The following BANK1 variants were observed in gnomAD, a reference collection of about 807,000 sequenced individuals.
BANK1 encodes B cell scaffold protein with ankyrin repeats 1.
A neutral mutation model predicts 94.5 loss-of-function variants in BANK1; 95 were observed. The ratio of observed to expected loss-of-function variants is 1.00; its 90% CI spans 0.85 to 1.19. The LOEUF (loss-of-function observed/expected upper bound fraction) is 1.19. BANK1 is among the 50% of genes most tolerant of loss of function. The pLI, the probability that BANK1 is intolerant of heterozygous loss-of-function variation, is 0.00. For synonymous variants in BANK1, 334 were observed against 308.4 expected, an observed-to-expected ratio of 1.08 and a Z score of -0.87; for missense variants, 987 against 932.2, an observed-to-expected ratio of 1.06 and a Z score of -0.77.
At chr4:102,022,681 T>C (rs72933903) in intron 8 of BANK1, among the ~76,000 whole-genome samples, 1,779 of 152,282 alleles carry the variant, frequency 0.012, 30 homozygotes, top group East Asian at 0.061. Context: ...TCCACATTTG[T>C]TGCCTCTGAT....
intron 5 of BANK1, among the ~76,000 whole-genome samples, chr4:101,881,699 A>G (rs1728682182): frequency 6.6e-6 from 1 of 152,158 alleles, no homozygotes; most frequent in Admixed American, 6.5e-5. Flanking sequence ...GATAAAGCAA[A>G]TGTCATACTT....
At chr4:102,069,555 A>G (rs1202076238) in intron 13 of BANK1, among the ~76,000 whole-genome samples, 2 of 152,228 alleles carry the variant, frequency 1.3e-5, no homozygotes, top group Admixed American at 6.5e-5. Context: ...GAGAAGTCAA[A>G]TATGCACTTA....
chr4:101,998,685 G>T (rs1051103776), intron 7 of BANK1, among the ~76,000 whole-genome samples: 3 of 151,972 alleles, frequency 2.0e-5, no homozygotes, highest in Admixed American at 1.3e-4. Flanking sequence ...TGTCTTTTTT[G>T]ATCTTTGTTG....
At chr4:101,868,002 A>G (rs1397565173) in intron 4 of BANK1, among the ~76,000 whole-genome samples, 1 of 151,720 alleles carries the variant, frequency 6.6e-6, no homozygotes. Context: ...TAAGAACGCC[A>G]ATTAAAAGAC....
chr4:101,994,969 T>C (rs1725827837), intron 7 of BANK1, among the ~76,000 whole-genome samples: 8 of 152,162 alleles, frequency 5.3e-5, no homozygotes, highest in Admixed American at 5.2e-4. Context: ...AAAATTATAC[T>C]TTAAGTTTTG....
chr4:101,963,944 CT>C (rs2148920098), intron 7 of BANK1, among the ~76,000 whole-genome samples: 1 of 152,114 alleles, frequency 6.6e-6, no homozygotes, highest in Admixed American at 6.6e-5. Context: ...TTAGTTTTTC[CT>C]CCACAGAAAC....
chr4:101,819,236 G>A (rs954951123), intron 1 of BANK1, among the ~76,000 whole-genome samples: 13 of 152,088 alleles, frequency 8.5e-5, no homozygotes, highest in Admixed American at 7.9e-4. Flanking sequence ...AGTATTCTGA[G>A]TATTATTTTT....
chr4:101,983,329 G>A (rs1193649822), intron 7 of BANK1, among the ~76,000 whole-genome samples: 1 of 152,066 alleles, frequency 6.6e-6, no homozygotes, highest in East Asian at 1.9e-4. Context: ...TTAGTGCAGT[G>A]TTCAAAAGAT....
rs1258237699 is a variant in BANK1 at position 101,866,678 on chromosome 4, G to GCAA, written c.764-3827_764-3826insCAA. 1.2e-4 allele frequency among the ~76,000 whole-genome samples: 14 copies of GCAA among 115,358 alleles called. 4 individuals carry two copies. Among genetic ancestry groups the GCAA allele is most frequent in the African/African-American group, 2.0e-4 (5 of 24,790 alleles). The allele number at this position is 115,358 out of a possible 152,430, so 75.7% of individuals were successfully genotyped here. A position where few individuals can be genotyped will look rare whatever the true frequency, so the allele number is the denominator to read the frequency against. ...TCCCATTACTGGGTATATACCCAAAGGACTATAAATCATGCTGCTATAAAG... is the reference window on the plus strand; with the variant it reads ...TCCCATTACTGGGTATATACCCAAAGCAAGACTATAAATCATGCTGCTATAAAG... On this transcript the variant is annotated intron_variant, in intron 4 of 16. Coordinates refer to ENST00000322953, the MANE Select transcript of BANK1 (RefSeq NM_017935.5).
intron 7 of BANK1, among the ~76,000 whole-genome samples, chr4:102,003,459 A>G (rs1022253705): frequency 6.6e-6 from 1 of 152,108 alleles, no homozygotes; most frequent in African/African-American, 2.4e-5. Flanking sequence ...GTCAGCTGGG[A>G]CTGTGAACCA....
intron 1 of BANK1, among the ~76,000 whole-genome samples, chr4:101,813,560 T>C (rs545932035): frequency 3.2e-4 from 48 of 152,342 alleles, no homozygotes; most frequent in African/African-American, 1.1e-3. Context: ...AATTCTGATT[T>C]GATCAAGTGC....
chr4:102,038,880 A>G (rs540310530), intron 10 of BANK1, among the ~76,000 whole-genome samples: 3 of 152,290 alleles, frequency 2.0e-5, no homozygotes, highest in African/African-American at 7.2e-5. Flanking sequence ...TAACACTTCT[A>G]TCAAACCAAG....
chr4:101,938,719 G>A (rs1196655147), intron 7 of BANK1, among the ~76,000 whole-genome samples: 1 of 151,652 alleles, frequency 6.6e-6, no homozygotes, highest in Non-Finnish European at 1.5e-5. Flanking sequence ...TTACTGTAAT[G>A]ATAATGACTA....
At chr4:101,853,580 G>C (rs1267448413) in intron 2 of BANK1, among the ~76,000 whole-genome samples, 1 of 152,168 alleles carries the variant, frequency 6.6e-6, no homozygotes, top group Non-Finnish European at 1.5e-5. Context: ...ATTTAGACTT[G>C]TGTTCAGTGA....
In BANK1 at chr4:101,790,858, GC is replaced by G. The variant is rs1449598520; in HGVS notation, c.-19del. On this transcript the variant is annotated 5_prime_UTR_variant, in exon 1 of 17. Transcript: ENST00000322953. The stretch of plus-strand genomic sequence containing the variant: ...GCGCTCGGCGGGCAGCAGTGCGCAG[GC>G]CCCTCGGCTTCAACCGCCACAATGC... 5.9e-5 allele frequency: 91 copies of G among 1,535,992 alleles called. No individual in the cohort carries two copies. Among genetic ancestry groups the G allele is most frequent in the Non-Finnish European group, 7.8e-5 (89 of 1,145,764 alleles).
At chr4:101,949,722 A>C (rs975291403) in intron 7 of BANK1, among the ~76,000 whole-genome samples, 1 of 152,162 alleles carries the variant, frequency 6.6e-6, no homozygotes, top group Non-Finnish European at 1.5e-5. Context: ...AAAGTAATAA[A>C]TGTACAAGAT....
At chr4:101,839,270 T>G (rs1473002989) in intron 2 of BANK1, among the ~76,000 whole-genome samples, 3 of 152,176 alleles carry the variant, frequency 2.0e-5, no homozygotes, top group Non-Finnish European at 2.9e-5. Flanking sequence ...ATAGAAGGGT[T>G]GAAATTACAT....
At chr4:101,976,194 T>C (rs765155357) in intron 7 of BANK1, among the ~76,000 whole-genome samples, 2 of 152,154 alleles carry the variant, frequency 1.3e-5, no homozygotes, top group African/African-American at 4.8e-5. Context: ...TTGCCTCTTT[T>C]CAGTATTCTA....
intron 7 of BANK1, among the ~76,000 whole-genome samples, chr4:101,937,114 C>T (rs1408234316): frequency 6.6e-6 from 1 of 151,650 alleles, no homozygotes; most frequent in Admixed American, 6.6e-5. Context: ...AAGTACTATT[C>T]AGCCATAAAA....
Sources: gnomAD v4.1 joint callset for allele counts (sites outside exome capture counted in the v4.1 genomes callset) on GRCh38, gnomAD v4.1.1 for gene constraint, MANE v1.5 for transcripts, NCBI Gene and HGNC (gene_info 2026-07-23, HGNC 2026-07-21) for gene names.